The following ATP6V0E1 variants were observed in gnomAD, a reference collection of about 807,000 sequenced individuals.
ATP6V0E1 encodes the protein ATPase H+ transporting V0 subunit e1, also known as V-type proton ATPase subunit e 1.
A neutral mutation model predicts 11.6 loss-of-function variants in ATP6V0E1; 4 were observed. The observed-to-expected ratio is 0.35, with a 90% confidence interval of 0.17 to 0.79. The LOEUF is 0.79. Among genes scored for constraint, ATP6V0E1 ranks in the 30% least tolerant of loss-of-function variants. The probability of loss-of-function intolerance (pLI) is 0.54; values close to 1 mark genes in which losing one functional copy is unlikely to be tolerated. For synonymous variants in ATP6V0E1, 36 were observed against 34.8 expected, an observed-to-expected ratio of 1.04 and a Z score of -0.13; for missense variants, 105 against 100.0, an observed-to-expected ratio of 1.05 and a Z score of -0.21.
chr5:173,026,041 G>A lies in ATP6V0E1; in HGVS notation c.*36+5674G>A, dbSNP rs188578236. On this transcript the variant is annotated intron_variant, in intron 3 of 3. Coordinates refer to ENST00000519374, the MANE Select transcript of ATP6V0E1 (RefSeq NM_003945.4). ...CGAGACAGGGTCTCACTGTTGGTCAGGCTAGAGTGCAGTGGTGTGATGTTA... is the reference window on the plus strand; with the variant it reads ...CGAGACAGGGTCTCACTGTTGGTCAAGCTAGAGTGCAGTGGTGTGATGTTA... Among the ~76,000 whole-genome samples, 16 of 151,974 alleles carry A rather than the reference G, an allele frequency of 1.1e-4. No individual in the cohort carries two copies. The East Asian group carries it at 3.1e-3, about 29-fold the overall frequency.
At chr5:173,027,573 A>G (rs1425703115) in intron 3 of ATP6V0E1, among the ~76,000 whole-genome samples, 1 of 151,130 alleles carries the variant, frequency 6.6e-6, no homozygotes, top group East Asian at 1.9e-4. Flanking sequence ...TTCCCCTTAA[A>G]TATATATATT....
intron 1 of ATP6V0E1, among the ~76,000 whole-genome samples, chr5:172,992,800 A>G (rs1478307054): frequency 2.7e-5 from 4 of 150,876 alleles, no homozygotes; most frequent in Non-Finnish European, 4.4e-5. Flanking sequence ...TTTTTTGTTT[A>G]TTTATTTATT....
intron 2 of ATP6V0E1, among the ~76,000 whole-genome samples, chr5:173,004,514 A>G (rs974294078): frequency 3.3e-5 from 5 of 152,174 alleles, no homozygotes; most frequent in African/African-American, 1.2e-4. Context: ...TACAGAGAAC[A>G]CAGTGGAAGG....
chr5:173,027,849 G>A (rs796794502), intron 3 of ATP6V0E1, among the ~76,000 whole-genome samples: 3 of 152,116 alleles, frequency 2.0e-5, no homozygotes, highest in African/African-American at 7.2e-5. Context: ...CTGTTGATTG[G>A]GGTTCAAAGC....
chr5:173,024,773 A>G (rs1243259700), intron 3 of ATP6V0E1, among the ~76,000 whole-genome samples: 2 of 151,930 alleles, frequency 1.3e-5, no homozygotes, highest in Non-Finnish European at 2.9e-5. Flanking sequence ...AAATAATCTT[A>G]AGTTTACATT....
intron 3 of ATP6V0E1, chr5:173,020,591 T>C: frequency 3.7e-6 from 2 of 539,170 alleles, no homozygotes; most frequent in South Asian, 3.5e-5. Flanking sequence ...TTTAAATAAA[T>C]ACAGTTTAAT....
chr5:172,992,125 A>G (rs989787912), intron 1 of ATP6V0E1, among the ~76,000 whole-genome samples: 2 of 151,220 alleles, frequency 1.3e-5, no homozygotes, highest in African/African-American at 4.9e-5. Flanking sequence ...ATCTCGGCTC[A>G]CTGCAAGCTC....
intron 2 of ATP6V0E1, among the ~76,000 whole-genome samples, chr5:172,998,527 C>T (rs555483351): frequency 1.2e-3 from 176 of 150,676 alleles, no homozygotes; most frequent in Non-Finnish European, 2.2e-3. Flanking sequence ...AGGAGAATTG[C>T]TTGAACCCGG....
intron 1 of ATP6V0E1, among the ~76,000 whole-genome samples, chr5:172,993,697 A>G (rs931124673): frequency 2.9e-5 from 1 of 34,276 alleles, no homozygotes; most frequent in Non-Finnish European, 5.8e-5. Flanking sequence ...CCCCGACCCC[A>G]CCTCTCCAAA....
intron 1 of ATP6V0E1, among the ~76,000 whole-genome samples, chr5:172,988,014 C>A (rs888975352): frequency 6.6e-6 from 1 of 152,192 alleles, no homozygotes; most frequent in Non-Finnish European, 1.5e-5. Context: ...CGGACCTAAT[C>A]TATTTTCTTT....
In ATP6V0E1 at chr5:173,034,357, G is replaced by A. The variant is rs1029804964; in HGVS notation, c.*37-42G>A. The A allele has an allele frequency of 6.0e-5, 42 of 702,080 alleles. No homozygotes were observed. In the African/African-American group the frequency reaches 7.0e-4, roughly 12 times the overall value. The allele number at this position is 702,080 out of a possible 1,614,324, so 43.5% of individuals were successfully genotyped here. On this transcript the variant is annotated intron_variant, in intron 3 of 3. Coordinates refer to ENST00000519374, the MANE Select transcript of ATP6V0E1 (RefSeq NM_003945.4). ...GATGTTAACTTTTTGCCTTCCTGAG[G>A]AATGTATGAGGACCAGTTACCAGAA...
chr5:173,027,269 C>T (rs1245880029), intron 3 of ATP6V0E1, among the ~76,000 whole-genome samples: 1 of 140,406 alleles, frequency 7.1e-6, no homozygotes, highest in Non-Finnish European at 1.5e-5. Context: ...GGGTGGATCA[C>T]GAGATCAGGA....
chr5:173,032,443 T>C (rs141410311), intron 3 of ATP6V0E1, among the ~76,000 whole-genome samples: 26,390 of 151,568 alleles, frequency 0.17, 2,640 homozygotes, highest in African/African-American at 0.24. Flanking sequence ...CATGCACCAC[T>C]ACAGCTGGCT....
At chr5:173,029,497 A>T (rs1013759974) in intron 3 of ATP6V0E1, among the ~76,000 whole-genome samples, 4 of 151,920 alleles carry the variant, frequency 2.6e-5, no homozygotes, top group African/African-American at 9.7e-5. Flanking sequence ...AACTTACTAC[A>T]GCTCTGAATT....
At chr5:173,009,449 C>T (rs1200889132) in intron 2 of ATP6V0E1, among the ~76,000 whole-genome samples, 3 of 148,750 alleles carry the variant, frequency 2.0e-5, no homozygotes, top group African/African-American at 7.5e-5. Flanking sequence ...TCAGGATAGC[C>T]ACTTCCCTTT....
chr5:173,029,870 C>G (rs1487707993), intron 3 of ATP6V0E1, among the ~76,000 whole-genome samples: 1 of 152,178 alleles, frequency 6.6e-6, no homozygotes, highest in East Asian at 1.9e-4. Context: ...CCTTCCCTCC[C>G]CAGTCTGCCT....
chr5:172,986,463 A>G (rs572202789), intron 1 of ATP6V0E1, among the ~76,000 whole-genome samples: 1 of 151,906 alleles, frequency 6.6e-6, no homozygotes, highest in African/African-American at 2.4e-5. Context: ...TCTGAAAAAA[A>G]TTTTTTTTAA....
intron 3 of ATP6V0E1, among the ~76,000 whole-genome samples, chr5:173,021,676 C>T (rs1756487691): frequency 6.6e-6 from 1 of 152,158 alleles, no homozygotes; most frequent in Non-Finnish European, 1.5e-5. Context: ...CACCAGGCCC[C>T]ACCTCCATCA....
chr5:173,029,345 C>T, intron 3 of ATP6V0E1, among the ~76,000 whole-genome samples: 1 of 152,132 alleles, frequency 6.6e-6, no homozygotes, highest in East Asian at 1.9e-4. Flanking sequence ...TTTCAGTTCC[C>T]AATATCATAG....
Sources: allele counts gnomAD v4.1 joint callset (sites outside exome capture counted in the v4.1 genomes callset), GRCh38; gene constraint gnomAD v4.1.1; transcripts MANE v1.5; gene names NCBI Gene and HGNC (gene_info 2026-07-23, HGNC 2026-07-21).